GDA: variants seen among roughly 807,000 people sequenced by gnomAD.
GDA encodes guanine deaminase.
Under a neutral mutation model 59.6 loss-of-function variants are expected in GDA, and 18 were observed. The observed-to-expected ratio is 0.30, with a 90% CI of 0.21 to 0.45. The LOEUF (loss-of-function observed/expected upper bound fraction) is 0.45, where lower values mean the gene tolerates loss of function less well. Ranked by LOEUF, GDA falls within the 20% of genes least tolerant of loss-of-function variation. The probability of loss-of-function intolerance (pLI) is 1.00; values close to 1 mark genes in which losing one functional copy is unlikely to be tolerated. For synonymous variants in GDA, 201 were observed against 201.1 expected (o/e 1.00, Z 0.00); for missense variants, 427 against 552.3 (o/e 0.77, Z 2.27).
intron 1 of GDA, among the ~76,000 whole-genome samples, chr9:72,133,975 C>T (rs1300735088): frequency 2.6e-5 from 4 of 152,186 alleles, no homozygotes; most frequent in African/African-American, 9.7e-5. Flanking sequence ...TGAACTCTCC[C>T]TGTGTTTCTC....
intron 1 of GDA, among the ~76,000 whole-genome samples, chr9:72,170,619 A>T (rs1829848646): frequency 6.6e-6 from 1 of 152,126 alleles, no homozygotes. Flanking sequence ...AGCCATTTCA[A>T]ATATATGTCT....
At chr9:72,191,211 G>C (rs1832498871) in intron 1 of GDA, among the ~76,000 whole-genome samples, 1 of 152,176 alleles carries the variant, frequency 6.6e-6, no homozygotes, top group East Asian at 1.9e-4. Context: ...CAGAAGCCTT[G>C]GTAGGGGCAC....
intron 1 of GDA, among the ~76,000 whole-genome samples, chr9:72,180,212 C>T (rs1269670103): frequency 6.6e-6 from 1 of 152,042 alleles, no homozygotes; most frequent in Non-Finnish European, 1.5e-5. Flanking sequence ...CAAAAATTTT[C>T]CAGGCATGGT....
At chr9:72,119,177 A>G (rs1380640195) in intron 1 of GDA, among the ~76,000 whole-genome samples, 1 of 152,172 alleles carries the variant, frequency 6.6e-6, no homozygotes, top group Non-Finnish European at 1.5e-5. Context: ...TGGAGGAAAT[A>G]ATGTTTAGGA....
At chr9:72,158,320 A>G (rs1828178683) in intron 1 of GDA, among the ~76,000 whole-genome samples, 1 of 152,178 alleles carries the variant, frequency 6.6e-6, no homozygotes, top group Non-Finnish European at 1.5e-5. Context: ...AAGGCTGGGT[A>G]CAGTGGCCCG....
At chr9:72,239,922 T>G (rs1301647671) in intron 10 of GDA, among the ~76,000 whole-genome samples, 1 of 152,106 alleles carries the variant, frequency 6.6e-6, no homozygotes, top group Non-Finnish European at 1.5e-5. Context: ...AATTATTTTG[T>G]TTTGGCAACA....
In GDA at chr9:72,149,539, G is replaced by A. The variant is rs763406895; in HGVS notation, c.-21G>A. 3.1e-6 allele frequency: 5 copies of A among 1,607,204 alleles called. No individual in the cohort carries two copies. Among genetic ancestry groups the A allele is most frequent in the Admixed American group, 1.7e-5 (1 of 59,848 alleles). On this transcript the variant is annotated 5_prime_UTR_variant, in exon 1 of 14. Coordinates refer to ENST00000358399, the MANE Select transcript of GDA (RefSeq NM_004293.5). ...TGCGCCCTCCTCGACCAGCAGACCC[G>A]CGCTGCGCTCCGCCGCTGACATGTG...
intron 1 of GDA, among the ~76,000 whole-genome samples, chr9:72,169,820 G>T (rs1345887685): frequency 6.6e-6 from 1 of 152,186 alleles, no homozygotes; most frequent in Non-Finnish European, 1.5e-5. Context: ...TGGTTTTCCA[G>T]GGGAACTGGG....
chr9:72,159,675 A>G (rs1828366015), intron 1 of GDA, among the ~76,000 whole-genome samples: 1 of 152,208 alleles, frequency 6.6e-6, no homozygotes, highest in Non-Finnish European at 1.5e-5. Context: ...ACCCTCACAC[A>G]TGCACACCCT....
chr9:72,187,749 C>T (rs973662724), intron 1 of GDA, among the ~76,000 whole-genome samples: 1 of 152,142 alleles, frequency 6.6e-6, no homozygotes, highest in African/African-American at 2.4e-5. Context: ...GAAGAGAAGA[C>T]TGGGGAAAGT....
intron 1 of GDA, among the ~76,000 whole-genome samples, chr9:72,126,769 G>A (rs1564147459): frequency 6.6e-6 from 1 of 151,980 alleles, no homozygotes; most frequent in African/African-American, 2.4e-5. Context: ...GTTTCATCAT[G>A]TTGGCCAGGC....
chr9:72,134,589 G>T (rs1027289264), intron 1 of GDA, among the ~76,000 whole-genome samples: 1 of 151,938 alleles, frequency 6.6e-6, no homozygotes, highest in African/African-American at 2.4e-5. Flanking sequence ...TTTTAGTAGA[G>T]ATTGGGGTTT....
At chr9:72,120,573 GTCTTT>G (rs1825626160) in intron 1 of GDA, among the ~76,000 whole-genome samples, 1 of 152,170 alleles carries the variant, frequency 6.6e-6, no homozygotes, top group South Asian at 2.1e-4. Flanking sequence ...AAGCAGTGGG[GTCTTT>G]TCTTGTTTTC....
intron 4 of GDA, 141 bp downstream of exon 4, chr9:72,210,915 G>A (rs147310756): frequency 1.6e-4 from 100 of 616,580 alleles, no homozygotes; most frequent in African/African-American, 1.5e-3. Flanking sequence ...AAGTAATTAC[G>A]TGTCTATATG....
intron 1 of GDA, among the ~76,000 whole-genome samples, chr9:72,138,280 T>C (rs116841873): frequency 0.021 from 3,259 of 152,280 alleles, 45 homozygotes; most frequent in Non-Finnish European, 0.033. Context: ...TGTCTGCTCT[T>C]TCTGGCGGCT....
chr9:72,225,382 A>G (rs1454054888), intron 7 of GDA, among the ~76,000 whole-genome samples: 1 of 152,174 alleles, frequency 6.6e-6, no homozygotes, highest in Non-Finnish European at 1.5e-5. Context: ...CAGAATTTGA[A>G]AAGACTTTGT....
chr9:72,166,784 G>A (rs568923032), intron 1 of GDA, among the ~76,000 whole-genome samples: 16 of 151,708 alleles, frequency 1.1e-4, no homozygotes, highest in Admixed American at 2.6e-4. Context: ...CTCTTTTCTC[G>A]CCTATATTTA....
In GDA at chr9:72,124,120, A is replaced by G. The variant is rs115272516; in HGVS notation, c.-100+9287A>G. ...GGCCAACCTCTAGCAACAGGAAAAAAGAAGAGAAAACATGGAAAAGAAAAG... is the reference window on the plus strand; with the variant it reads ...GGCCAACCTCTAGCAACAGGAAAAAGGAAGAGAAAACATGGAAAAGAAAAG... On this transcript the variant is annotated intron_variant, in intron 1 of 13. Transcript: ENST00000545168. 8.9e-3 allele frequency among the ~76,000 whole-genome samples: 1,361 copies of G among 152,322 alleles called. 20 individuals are homozygous for G. The highest frequency in any genetic ancestry group is 0.03 in the African/African-American group (1,251 of 41,562).
chr9:72,198,846 G>GAGATATATATATATATAT (rs1833545910), intron 2 of GDA, among the ~76,000 whole-genome samples: 1 of 128,574 alleles, frequency 7.8e-6, no homozygotes, highest in Non-Finnish European at 1.5e-5. Flanking sequence ...TATATAGGGG[G>GAGATATATATATATATAT]ATATATATAT....
Sources: gnomAD v4.1 joint callset for allele counts (sites outside exome capture counted in the v4.1 genomes callset) on GRCh38, gnomAD v4.1.1 for gene constraint, MANE v1.5 for transcripts, NCBI Gene and HGNC (gene_info 2026-07-23, HGNC 2026-07-21) for gene names.